Variants in EXOC4 observed in about 807,000 individuals in gnomAD.
The protein encoded by EXOC4 is exocyst complex component 4.
In EXOC4, 71 loss-of-function variants were observed where a neutral mutation model predicts 107.2. The observed-to-expected ratio is 0.66, with a 90% CI of 0.55 to 0.81. The LOEUF (loss-of-function observed/expected upper bound fraction) is 0.81, where lower values mean the gene tolerates loss of function less well. Among genes scored for constraint, EXOC4 ranks in the 30% least tolerant of loss-of-function variants. EXOC4 has a pLI of 0.00. For missense variants in EXOC4, 1,108 were observed against 1,189.6 expected, an observed-to-expected ratio of 0.93 and a Z score of 1.01; for synonymous variants, 456 against 441.2, an observed-to-expected ratio of 1.03 and a Z score of -0.42.
intron 9 of EXOC4, among the ~76,000 whole-genome samples, chr7:133,518,714 C>G (rs1799927110): frequency 6.6e-6 from 1 of 152,066 alleles, no homozygotes; most frequent in Non-Finnish European, 1.5e-5. Flanking sequence ...ACCTTGGGGA[C>G]ATTATAATAA....
intron 15 of EXOC4, among the ~76,000 whole-genome samples, 170 bp downstream of exon 15, chr7:133,997,803 A>G (rs1794433284): frequency 6.6e-6 from 1 of 152,152 alleles, no homozygotes; most frequent in South Asian, 2.1e-4. Context: ...TTGAGCGCAC[A>G]GTGTATTGTG....
At chr7:133,991,365 A>C (rs1794256050) in intron 14 of EXOC4, among the ~76,000 whole-genome samples, 1 of 152,052 alleles carries the variant, frequency 6.6e-6, no homozygotes, top group Admixed American at 6.6e-5. Context: ...TGCCAGGTAT[A>C]TACTTTGAAA....
At chr7:133,819,916 G>A (rs1186535036) in intron 11 of EXOC4, among the ~76,000 whole-genome samples, 1 of 152,026 alleles carries the variant, frequency 6.6e-6, no homozygotes, top group Non-Finnish European at 1.5e-5. Context: ...GACATATCTG[G>A]GCAGTCTGTC....
intron 11 of EXOC4, among the ~76,000 whole-genome samples, chr7:133,825,697 G>T (rs758176775): frequency 6.6e-6 from 1 of 152,124 alleles, no homozygotes; most frequent in Non-Finnish European, 1.5e-5. Context: ...CATTTGAGTG[G>T]CATTTGCATC....
chr7:133,984,466 G>T (rs934960867), intron 14 of EXOC4, among the ~76,000 whole-genome samples: 5 of 152,102 alleles, frequency 3.3e-5, no homozygotes, highest in African/African-American at 1.2e-4. Flanking sequence ...CCAGGTGAAT[G>T]AACTATTTGG....
chr7:133,586,931 A>G (rs1476978183), intron 9 of EXOC4, among the ~76,000 whole-genome samples: 1 of 152,088 alleles, frequency 6.6e-6, no homozygotes, highest in Non-Finnish European at 1.5e-5. Flanking sequence ...CCCGGGTTCA[A>G]GTGATTCTCC....
rs775026292 is a variant in EXOC4 at position 134,005,000 on chromosome 7, C to T, written c.2437C>T (p.Leu813=). The T allele has an allele frequency of 3.3e-5, 54 of 1,613,476 alleles. 1 individual carries two copies. The South Asian group carries it at 5.8e-4, about 17-fold the overall frequency. Residue 813 remains leucine, a synonymous_variant, in exon 16 of 18, where the codon CTG becomes TTG. Transcript: ENST00000253861. ...ANVESMDYDP[L]VVKLNKDISA... ...TGTGGAAAGTATGGATTATGACCCC[C>T]TGGTGGTCAAGCTCAACAAAGATAT... is the stretch of plus-strand genomic sequence containing the variant.
chr7:133,433,958 G>A (rs1797910250), intron 7 of EXOC4, among the ~76,000 whole-genome samples: 1 of 152,162 alleles, frequency 6.6e-6, no homozygotes, highest in Non-Finnish European at 1.5e-5. Context: ...TGTCCTTAGT[G>A]GTACAAAGGG....
At chr7:133,536,833 TAGGCAGCAGGAAGTAGATGGGGC>T (rs1563100352) in intron 9 of EXOC4, among the ~76,000 whole-genome samples, 7 of 152,158 alleles carry the variant, frequency 4.6e-5, no homozygotes, top group Admixed American at 2.0e-4. Flanking sequence ...ATCTACATAT[TAGGCAGCAGGAAGTAGATGGGGC>T]AGGCAGCAGG....
At chr7:133,361,857 A>G (rs945446720) in intron 6 of EXOC4, among the ~76,000 whole-genome samples, 3 of 152,256 alleles carry the variant, frequency 2.0e-5, no homozygotes, top group Admixed American at 2.0e-4. Context: ...ATGAAATGAT[A>G]CTGAAGCAGG....
intron 7 of EXOC4, among the ~76,000 whole-genome samples, chr7:133,402,687 A>G (rs947319775): frequency 6.6e-5 from 10 of 151,850 alleles, no homozygotes; most frequent in African/African-American, 2.4e-4. Flanking sequence ...TATTTTTAGC[A>G]GAGATGGGGT....
At chr7:133,849,460 TATATA>T (rs1221407739) in intron 11 of EXOC4, among the ~76,000 whole-genome samples, 1 of 152,128 alleles carries the variant, frequency 6.6e-6, no homozygotes, top group Non-Finnish European at 1.5e-5. Flanking sequence ...AGTAGTAAAA[TATATA>T]ATAAGATAAC....
intron 14 of EXOC4, among the ~76,000 whole-genome samples, chr7:133,956,751 C>T (rs990466708): frequency 1.3e-5 from 2 of 152,088 alleles, no homozygotes; most frequent in African/African-American, 2.4e-5. Context: ...TCCTATCAGT[C>T]AGTGTAAGCT....
chr7:133,599,311 T>A (rs568708682), intron 9 of EXOC4, among the ~76,000 whole-genome samples: 2 of 152,336 alleles, frequency 1.3e-5, no homozygotes, highest in East Asian at 3.9e-4. Context: ...ATCTCCTGAT[T>A]TCAGAAGAAA....
At chr7:133,864,207 G>A (rs144999153) in intron 11 of EXOC4, among the ~76,000 whole-genome samples, 1 of 152,166 alleles carries the variant, frequency 6.6e-6, no homozygotes, top group Admixed American at 6.5e-5. Flanking sequence ...GGAAATTGAT[G>A]TTAATGAATG....
chr7:133,915,395 A>T (rs1350735986), intron 12 of EXOC4, among the ~76,000 whole-genome samples: 2 of 152,240 alleles, frequency 1.3e-5, no homozygotes, highest in South Asian at 2.1e-4. Flanking sequence ...ATTAATGAGG[A>T]TGAAGCAGAT....
At chr7:133,610,987 T>G (rs1392267264) in intron 9 of EXOC4, among the ~76,000 whole-genome samples, 3 of 792 alleles carry the variant, frequency 3.8e-3, no homozygotes, top group Non-Finnish European at 0.02. Flanking sequence ...GTTTTCTCTA[T>G]TTTTTTTTTT....
chr7:133,472,199 C>T (rs750620031), intron 7 of EXOC4, among the ~76,000 whole-genome samples: 1 of 152,154 alleles, frequency 6.6e-6, no homozygotes, highest in Non-Finnish European at 1.5e-5. Context: ...CTGATGATAG[C>T]AGCAGTGTTT....
chr7:133,540,308 A>T (rs556099233), intron 9 of EXOC4, among the ~76,000 whole-genome samples: 5 of 152,298 alleles, frequency 3.3e-5, no homozygotes, highest in South Asian at 4.2e-4. Context: ...TTCAAACTCC[A>T]GCCCTGGAAT....
Sources: gnomAD v4.1 joint callset for allele counts (sites outside exome capture counted in the v4.1 genomes callset) on GRCh38, gnomAD v4.1.1 for gene constraint, MANE v1.5 for transcripts, NCBI Gene and HGNC (gene_info 2026-07-23, HGNC 2026-07-21) for gene names.